Variants in DPP10 observed in about 807,000 individuals in gnomAD.
The protein encoded by DPP10 is dipeptidyl peptidase like 10, also known as inactive dipeptidyl peptidase 10.
A neutral mutation model predicts 120.9 loss-of-function variants in DPP10; 33 were observed. The ratio of observed to expected loss-of-function variants is 0.27; its 90% CI spans 0.21 to 0.37. The LOEUF (loss-of-function observed/expected upper bound fraction) is 0.37. Among genes scored for constraint, DPP10 ranks in the 10% least tolerant of loss-of-function variants. DPP10 has a pLI of 1.00. For synonymous variants in DPP10, 337 were observed against 326.1 expected (o/e 1.03, Z -0.36); for missense variants, 816 against 942.8 (o/e 0.87, Z 1.76).
rs374987062 is a variant in DPP10 at position 115,261,336 on chromosome 2, G to A, written c.61-47903G>A. ...AGCAATACAACTACTTTGGTGGATC[G>A]TTTCCAGTTTGAGGATTCCTAGTGC... On this transcript the variant is annotated intron_variant, in intron 1 of 25. Transcript: ENST00000410059. 1.2e-3 allele frequency among the ~76,000 whole-genome samples: 188 copies of A among 152,266 alleles called. 1 individual carries two copies. Among genetic ancestry groups the A allele is most frequent in the African/African-American group, 4.3e-3 (180 of 41,552 alleles).
At chr2:115,593,093 AAAG>A (rs1384142709) in intron 5 of DPP10, among the ~76,000 whole-genome samples, 1 of 152,202 alleles carries the variant, frequency 6.6e-6, no homozygotes, top group African/African-American at 2.4e-5. Context: ...TATATACAGA[AAAG>A]AACAAATTTA....
intron 1 of DPP10, among the ~76,000 whole-genome samples, chr2:114,472,758 A>G (rs571462435): frequency 1.8e-4 from 28 of 152,250 alleles, no homozygotes; most frequent in Admixed American, 7.2e-4. Context: ...AACTTTTGGT[A>G]TTTGTTTTTA....
At chr2:115,431,998 T>C (rs1339242668) in intron 3 of DPP10, among the ~76,000 whole-genome samples, 2 of 152,122 alleles carry the variant, frequency 1.3e-5, no homozygotes, top group East Asian at 1.9e-4. Flanking sequence ...ATCTGTATAC[T>C]GTATAGTGAT....
At chr2:114,564,588 G>A (rs1484618059) in intron 1 of DPP10, among the ~76,000 whole-genome samples, 1 of 152,090 alleles carries the variant, frequency 6.6e-6, no homozygotes, top group African/African-American at 2.4e-5. Flanking sequence ...GAGGGAAAAG[G>A]TTTTTTCTCT....
chr2:114,539,437 T>A (rs904917671), intron 1 of DPP10, among the ~76,000 whole-genome samples: 20 of 152,198 alleles, frequency 1.3e-4, no homozygotes, highest in African/African-American at 4.8e-4. Context: ...CCATAAGGCC[T>A]CTAGGCCTGT....
At chr2:115,133,145 G>GTGTGTGTGTGTGTGTATA (rs1338395575) in intron 1 of DPP10, among the ~76,000 whole-genome samples, 5 of 28,772 alleles carry the variant, frequency 1.7e-4, no homozygotes, top group African/African-American at 6.3e-4. Flanking sequence ...GTGTGTGTGT[G>GTGTGTGTGTGTGTGTATA]TATATATATA....
rs541925928 is a variant in DPP10 at position 114,724,796 on chromosome 2, G to C, written c.60+281958G>C. On this transcript the variant is annotated intron_variant, in intron 1 of 25. Coordinates refer to ENST00000410059, the MANE Select transcript of DPP10 (RefSeq NM_020868.6). The stretch of plus-strand genomic sequence containing the variant: ...GCCACTCCCCTGTCCAATCAGAGTT[G>C]TAGTGATCTGGGTTATAAATAAGAG... 5.9e-5 allele frequency among the ~76,000 whole-genome samples: 9 copies of C among 152,266 alleles called. No individual in the cohort carries two copies. In the East Asian group the frequency reaches 1.7e-3, roughly 29 times the overall value.
chr2:115,571,502 G>A lies in DPP10; in HGVS notation c.441+45530G>A, dbSNP rs117885394. On this transcript the variant is annotated intron_variant, in intron 5 of 25. Transcript: ENST00000410059. The stretch of plus-strand genomic sequence containing the variant: ...GTAGTATTTGGTTTTCTGATCCTGC[G>A]TTAATTCACTTAGGGTAATTGTTGC... Among the ~76,000 whole-genome samples the A allele has an allele frequency of 1.3e-3, 192 of 152,054 alleles. 2 individuals carry two copies. The East Asian group carries it at 0.021, about 17-fold the overall frequency.
chr2:115,208,518 C>T (rs2056308436), intron 1 of DPP10, among the ~76,000 whole-genome samples: 1 of 152,106 alleles, frequency 6.6e-6, no homozygotes, highest in South Asian at 2.1e-4. Context: ...GCTTCCTTTA[C>T]CTCTTGCTAC....
At chr2:115,412,609 C>T (rs1002229628) in intron 3 of DPP10, among the ~76,000 whole-genome samples, 2 of 152,006 alleles carry the variant, frequency 1.3e-5, no homozygotes, top group Non-Finnish European at 2.9e-5. Flanking sequence ...TCTTTGTTTC[C>T]TTTATAATAA....
chr2:115,268,394 T>C (rs1244684657), intron 1 of DPP10, among the ~76,000 whole-genome samples: 1 of 152,154 alleles, frequency 6.6e-6, no homozygotes. Flanking sequence ...CCTTGAACAA[T>C]CTAGTGAATG....
At position 114,690,090 on chromosome 2, in the gene DPP10, G is replaced by C. The variant is rs1053891387; in HGVS notation, c.60+247252G>C. Among the ~76,000 whole-genome samples the C allele has an allele frequency of 4.0e-5, 6 of 151,898 alleles. No individual in the cohort carries two copies. In the East Asian group the frequency reaches 7.8e-4, roughly 20 times the overall value. ...GTGAAGATGCTCTTTAGTTTAATTA[G>C]ATCCCATTTGTCAATTTTTGTTTTT... On this transcript the variant is annotated intron_variant, in intron 1 of 25. Coordinates refer to ENST00000410059, the MANE Select transcript of DPP10 (RefSeq NM_020868.6).
chr2:115,381,047 C>T (rs936572751), intron 3 of DPP10, among the ~76,000 whole-genome samples: 16 of 152,206 alleles, frequency 1.1e-4, no homozygotes, highest in African/African-American at 3.1e-4. Flanking sequence ...TTGCTCTTCT[C>T]GTGGAGTATC....
At chr2:114,561,649 C>G (rs555484503) in intron 1 of DPP10, among the ~76,000 whole-genome samples, 1 of 151,726 alleles carries the variant, frequency 6.6e-6, no homozygotes, top group South Asian at 2.1e-4. Flanking sequence ...AGTTGGGAGA[C>G]AGTTTTTTTT....
At chr2:115,234,036 G>T (rs2057874501) in intron 1 of DPP10, 2 of 474,594 alleles carry the variant, frequency 4.2e-6, no homozygotes, top group African/African-American at 2.0e-5. Flanking sequence ...CCTTTATCTT[G>T]AAGAAAGGGA....
chr2:115,458,873 C>T (rs1028369829), intron 3 of DPP10, among the ~76,000 whole-genome samples: 1 of 152,108 alleles, frequency 6.6e-6, no homozygotes, highest in Non-Finnish European at 1.5e-5. Flanking sequence ...AAAATATACA[C>T]ACTAAGAGTA....
In DPP10 at chr2:114,583,507, A is replaced by G. The variant is rs574033603; in HGVS notation, c.60+140669A>G. Among the ~76,000 whole-genome samples, 6 of 152,366 alleles carry G rather than the reference A, an allele frequency of 3.9e-5. No individual in the cohort carries two copies. In the South Asian group the frequency reaches 1.2e-3, roughly 32 times the overall value. ...ATTAAGCACAGAATTGAATATATGT[A>G]TAATCAGATTTTAAAATGAGTTTGG... On this transcript the variant is annotated intron_variant, in intron 1 of 25. Transcript: ENST00000410059.
intron 1 of DPP10, among the ~76,000 whole-genome samples, chr2:114,677,705 T>G (rs941854316): frequency 3.9e-5 from 6 of 152,138 alleles, no homozygotes; most frequent in African/African-American, 4.8e-5. Flanking sequence ...AGGAATATAG[T>G]GTTTGTTTCT....
intron 1 of DPP10, among the ~76,000 whole-genome samples, chr2:115,183,118 C>G (rs551066890): frequency 6.6e-6 from 1 of 152,172 alleles, no homozygotes; most frequent in South Asian, 2.1e-4. Context: ...GAATAATAAG[C>G]CTTGTAGAAC....
Sources: allele counts gnomAD v4.1 joint callset (sites outside exome capture counted in the v4.1 genomes callset), GRCh38; gene constraint gnomAD v4.1.1; transcripts MANE v1.5; gene names NCBI Gene and HGNC (gene_info 2026-07-23, HGNC 2026-07-21).